VPS13A: variants seen among roughly 807,000 people sequenced by gnomAD.
VPS13A encodes the protein intermembrane lipid transfer protein VPS13A.
Under a neutral mutation model 390.9 loss-of-function variants are expected in VPS13A, and 264 were observed. The observed-to-expected ratio is 0.68, with a 90% CI of 0.61 to 0.75. The LOEUF (loss-of-function observed/expected upper bound fraction) is 0.75. Ranked by LOEUF, VPS13A falls within the 30% of genes least tolerant of loss-of-function variation. The pLI, the probability that VPS13A is intolerant of heterozygous loss-of-function variation, is 0.00. For synonymous variants in VPS13A, 1,231 were observed against 1,227.1 expected (o/e 1.00, Z -0.07); for missense variants, 3,409 against 3,733.9 (o/e 0.91, Z 2.27).
intron 24 of VPS13A, among the ~76,000 whole-genome samples, chr9:77,274,481 T>A (rs1057220281): frequency 6.6e-6 from 1 of 151,868 alleles, no homozygotes; most frequent in Non-Finnish European, 1.5e-5. Flanking sequence ...TTATCTTTAT[T>A]TGGCTGTGAG....
At chr9:77,294,397 G>A (rs1827856107) in intron 32 of VPS13A, among the ~76,000 whole-genome samples, 1 of 151,962 alleles carries the variant, frequency 6.6e-6, no homozygotes, top group Non-Finnish European at 1.5e-5. Flanking sequence ...TCCTGTGGGT[G>A]TCACACCTAT....
In VPS13A at chr9:77,293,342, C is replaced by A; in HGVS notation, c.3341C>A (p.Ala1114Asp). The stretch of plus-strand genomic sequence containing the variant: ...ATAATTAAATTTTCTCTTATTAAGG[C>A]TGTTTATATCACTGGAAAAGAAGTT... ...DSDITAIYKK[A>D]VYITGKEVFS... The change falls in exon 32 of 72, where the codon GCT (alanine) becomes GAT (aspartate). Residue 1114 changes from alanine to aspartate, a missense_variant and splice_region_variant. Physicochemically the swap from Ala to Asp is moderately radical, Grantham distance 126 (BLOSUM62 -2). Around this residue, in one of 5 missense-constraint regions of VPS13A, gnomAD observed 2,717 missense variants for 2,917.4 expected, o/e 0.93. Coordinates refer to ENST00000360280, the MANE Select transcript of VPS13A (RefSeq NM_033305.3). 6.2e-7 allele frequency: 1 copy of A among 1,610,056 alleles called. No homozygotes were observed. Among genetic ancestry groups the A allele is most frequent in the Non-Finnish European group, 8.5e-7 (1 of 1,177,672 alleles).
chr9:77,238,170 T>C lies in VPS13A; in HGVS notation c.1764T>C (p.Pro588=). The C allele has an allele frequency of 6.2e-7, 1 of 1,613,474 alleles. No individual in the cohort carries two copies. Among genetic ancestry groups the C allele is most frequent in the Non-Finnish European group, 8.5e-7 (1 of 1,179,602 alleles). Residue 588 remains proline, a synonymous_variant, in exon 18 of 72, where the codon CCT becomes CCC. Transcript: ENST00000360280. ...VSQRCIIEAE[P]LEIIYDARTV... ...AGAGGTGTATCATAGAAGCTGAACC[T>C]TTAGAAATCATATATGATGCAGTAA...
At chr9:77,360,063 C>T (rs1032402887) in intron 58 of VPS13A, among the ~76,000 whole-genome samples, 7 of 152,080 alleles carry the variant, frequency 4.6e-5, no homozygotes, top group Admixed American at 3.3e-4. Context: ...ATTTCCCTTA[C>T]CTTGTCACCA....
chr9:77,318,504 A>G lies in VPS13A; in HGVS notation c.5226A>G (p.Val1742=), dbSNP rs1308340529. 1.2e-6 allele frequency: 2 copies of G among 1,614,010 alleles called. No homozygotes were observed. Among genetic ancestry groups the G allele is most frequent in the South Asian group, 2.2e-5 (2 of 91,084 alleles). ...VLEAGIGHRT[V]PMLLAKSRFS... Reference sequence around the variant, plus strand: ...AGGCTGGAATTGGTCATAGAACAGTACCTATGCTTCTGGCAAAGTCACGTT... The same window carrying G: ...AGGCTGGAATTGGTCATAGAACAGTGCCTATGCTTCTGGCAAAGTCACGTT... The change falls in exon 41 of 72, where the codon GTA becomes GTG. Residue 1742 remains valine (V), a synonymous_variant. Coordinates refer to ENST00000360280, the MANE Select transcript of VPS13A (RefSeq NM_033305.3).
At position 77,321,370 on chromosome 9, in the gene VPS13A, CTGAT is replaced by C. The variant is rs761395886; in HGVS notation, c.5574+48_5574+51del. 3.7e-5 allele frequency: 58 copies of C among 1,580,486 alleles called. 2 individuals are homozygous for C. The South Asian group carries it at 5.0e-4, about 14-fold the overall frequency. ...AAACTTTAAATATTGAGATACTTGTCTGATTGATCTGTCTGTTGAATAAGAAGTT... is the reference window on the plus strand; with the variant it reads ...AAACTTTAAATATTGAGATACTTGTCTGATCTGTCTGTTGAATAAGAAGTT... On this transcript the variant is annotated intron_variant, in intron 43 of 71. Transcript: ENST00000360280.
At chr9:77,361,137 A>G (rs1832116512) in intron 59 of VPS13A, among the ~76,000 whole-genome samples, 1 of 152,122 alleles carries the variant, frequency 6.6e-6, no homozygotes, top group Admixed American at 6.5e-5. Context: ...GGTATAGATC[A>G]CATACCATAC....
intron 12 of VPS13A, among the ~76,000 whole-genome samples, chr9:77,220,791 A>G (rs1417698396): frequency 6.6e-6 from 1 of 152,096 alleles, no homozygotes; most frequent in Non-Finnish European, 1.5e-5. Flanking sequence ...TCTATGCAGG[A>G]TAATCCCATT....
In VPS13A at chr9:77,384,145, A is replaced by G. The variant is rs551647688; in HGVS notation, c.9189+2058A>G. Among the ~76,000 whole-genome samples, 8 of 151,820 alleles carry G rather than the reference A, an allele frequency of 5.3e-5. No homozygotes were observed. In the South Asian group the frequency reaches 1.5e-3, roughly 28 times the overall value. On this transcript the variant is annotated intron_variant, in intron 68 of 71. Transcript: ENST00000360280. Reference sequence around the variant, plus strand: ...TGCCTTAAAATATTTGATACTTTCAAATGTTTCTCATGTTATTTTCTTATT... The same window carrying G: ...TGCCTTAAAATATTTGATACTTTCAGATGTTTCTCATGTTATTTTCTTATT...
intron 1 of VPS13A, among the ~76,000 whole-genome samples, chr9:77,181,735 C>G (rs904025529): frequency 1.3e-5 from 2 of 152,064 alleles, no homozygotes; most frequent in Non-Finnish European, 2.9e-5. Flanking sequence ...AAATTTGTTG[C>G]TGAGATGGAT....
rs373276530 is a variant in VPS13A at position 77,351,560 on chromosome 9, C to A, written c.7419+114C>A. 242 of 1,344,352 alleles carry A rather than the reference C, an allele frequency of 1.8e-4. No individual in the cohort carries two copies. The Middle Eastern group carries it at 2.1e-3, about 12-fold the overall frequency. 83.3% of individuals were successfully genotyped at this position (1,344,352 alleles called of 1,614,324 possible). A position where few individuals can be genotyped will look rare whatever the true frequency, so the allele number is the denominator to read the frequency against. On this transcript the variant is annotated intron_variant, in intron 53 of 71. Coordinates refer to ENST00000360280, the MANE Select transcript of VPS13A (RefSeq NM_033305.3). The stretch of plus-strand genomic sequence containing the variant: ...GCACTTTTGGGAGGCTGAGGTGGGC[C>A]ATGAGTTGGAGATCAGCCTGGCCAA...
At chr9:77,399,990 C>T (rs1300579300) in intron 68 of VPS13A, among the ~76,000 whole-genome samples, 1 of 152,108 alleles carries the variant, frequency 6.6e-6, no homozygotes, top group African/African-American at 2.4e-5. Flanking sequence ...CTTCATAATG[C>T]TCCATTGTAT....
At chr9:77,386,658 A>G (rs191497469) in intron 68 of VPS13A, among the ~76,000 whole-genome samples, 133 of 151,442 alleles carry the variant, frequency 8.8e-4, no homozygotes, top group African/African-American at 2.3e-3. Flanking sequence ...GAGTTTCATC[A>G]TTCTTCAGTT....
chr9:77,184,302 G>A (rs941428865), intron 1 of VPS13A, among the ~76,000 whole-genome samples: 6 of 151,972 alleles, frequency 3.9e-5, no homozygotes, highest in Non-Finnish European at 8.8e-5. Flanking sequence ...ATTCTGCTTT[G>A]CTGAGAGTGT....
chr9:77,416,338 G>A lies in VPS13A; in HGVS notation c.*332G>A, dbSNP rs1282176070. On this transcript the variant is annotated 3_prime_UTR_variant, in exon 72 of 72. Transcript: ENST00000360280. Reference sequence around the variant, plus strand: ...CCATCTTTTTCTCTGTAATGGTGGAGAGGCTGCCCATAATTCATCTCCACA... The same window carrying A: ...CCATCTTTTTCTCTGTAATGGTGGAAAGGCTGCCCATAATTCATCTCCACA... 3.6e-6 allele frequency: 1 copy of A among 276,926 alleles called. No individual in the cohort carries two copies. Among genetic ancestry groups the A allele is most frequent in the African/African-American group, 2.3e-5 (1 of 44,420 alleles). 17.2% of individuals were successfully genotyped at this position (276,926 alleles called of 1,614,324 possible). A position where few individuals can be genotyped will look rare whatever the true frequency, so the allele number is the denominator to read the frequency against.
chr9:77,284,131 G>A (rs1196854271), intron 31 of VPS13A, among the ~76,000 whole-genome samples: 5 of 152,066 alleles, frequency 3.3e-5, no homozygotes. Context: ...TGAACTGGAT[G>A]ATTAGTTGTT....
intron 19 of VPS13A, 135 bp downstream of exon 19, chr9:77,238,521 A>T: frequency 1.3e-6 from 1 of 750,618 alleles, no homozygotes; most frequent in Non-Finnish European, 2.3e-6. Flanking sequence ...AACAGAAACT[A>T]ATTTAGTACT....
intron 1 of VPS13A, among the ~76,000 whole-genome samples, chr9:77,191,871 GGTGTTCT>G (rs1824707376): frequency 6.6e-6 from 1 of 152,102 alleles, no homozygotes; most frequent in Non-Finnish European, 1.5e-5. Context: ...TGTTGGGTGA[GGTGTTCT>G]GTAGAACTCT....
chr9:77,221,344 C>T lies in VPS13A; in HGVS notation c.1149C>T (p.Leu383=), dbSNP rs1823201268. The part of the protein sequence containing the change: ...LTSKKPPGEL[L]VSLEELEKTL... ...GTAAGAAGCCACCTGGTGAACTTCTCGTGTCTTTGGAGGTTAGCATTTAAA... is the reference window on the plus strand; with the variant it reads ...GTAAGAAGCCACCTGGTGAACTTCTTGTGTCTTTGGAGGTTAGCATTTAAA... Residue 383 remains leucine, a synonymous_variant, in exon 13 of 72, where the codon CTC becomes CTT. Coordinates refer to ENST00000360280, the MANE Select transcript of VPS13A (RefSeq NM_033305.3). The T allele has an allele frequency of 3.1e-6, 5 of 1,612,604 alleles. No homozygotes were observed. Among genetic ancestry groups the T allele is most frequent in the Non-Finnish European group, 1.7e-6 (2 of 1,179,250 alleles).
Sources: allele counts gnomAD v4.1 joint callset (sites outside exome capture counted in the v4.1 genomes callset), GRCh38; gene constraint gnomAD v4.1.1; regional missense constraint gnomAD v4.1.1; transcripts MANE v1.5; gene names NCBI Gene and HGNC (gene_info 2026-07-23, HGNC 2026-07-21).